The following NRG1 variants were observed in gnomAD, a reference collection of about 807,000 sequenced individuals.
NRG1 encodes the protein pro-neuregulin-1, membrane-bound isoform.
A neutral mutation model predicts 63.8 loss-of-function variants in NRG1; 18 were observed. The ratio of observed to expected loss-of-function variants is 0.28; its 90% CI spans 0.19 to 0.42. The LOEUF is 0.42. Ranked by LOEUF, NRG1 falls within the 10% of genes least tolerant of loss-of-function variation. NRG1 has a pLI of 1.00. For missense variants in NRG1, 762 were observed against 814.7 expected, an observed-to-expected ratio of 0.94 and a Z score of 0.79; for synonymous variants, 302 against 301.3, an observed-to-expected ratio of 1.00 and a Z score of -0.02.
chr8:31,888,397 G>A lies in NRG1; in HGVS notation c.37+248966G>A, dbSNP rs1830888946. On this transcript the variant is annotated intron_variant, in intron 1 of 10. Transcript: ENST00000519301. Reference sequence around the variant, plus strand: ...TTAAACCTCTACTTTCTGAATTTTAGGACAGTGAGGAAATTTAACATTTTC... The same window carrying A: ...TTAAACCTCTACTTTCTGAATTTTAAGACAGTGAGGAAATTTAACATTTTC... Among the ~76,000 whole-genome samples the A allele has an allele frequency of 2.0e-5, 3 of 152,128 alleles. No individual in the cohort carries two copies. In the South Asian group the frequency reaches 6.2e-4, roughly 32 times the overall value.
chr8:32,367,424 A>G lies in NRG1; in HGVS notation c.38-228404A>G, dbSNP rs186939549. On this transcript the variant is annotated intron_variant, in intron 1 of 10. Coordinates refer to the NRG1 transcript ENST00000519301. ...TGTTGAACTTTTTTTTTTTTCAGAT[A>G]CCTGCTAGCCAATTGTATGTATTCT... is the stretch of plus-strand genomic sequence containing the variant. 5.5e-4 allele frequency among the ~76,000 whole-genome samples: 82 copies of G among 150,312 alleles called. No homozygotes were observed. In the East Asian group the frequency reaches 0.015, roughly 27 times the overall value.
At chr8:32,615,383 GC>G (rs1563773044) in intron 4 of NRG1, among the ~76,000 whole-genome samples, 1 of 152,028 alleles carries the variant, frequency 6.6e-6, no homozygotes, top group Non-Finnish European at 1.5e-5. Context: ...TTTGCATGGT[GC>G]CTTTTCTTTT....
intron 1 of NRG1, among the ~76,000 whole-genome samples, chr8:32,012,559 T>A (rs1194559020): frequency 6.6e-6 from 1 of 152,010 alleles, no homozygotes; most frequent in African/African-American, 2.4e-5. Context: ...TACTTAGAGG[T>A]TTTTTTCTAG....
intron 1 of NRG1, among the ~76,000 whole-genome samples, chr8:32,254,076 T>A (rs1849415519): frequency 2.0e-5 from 3 of 152,188 alleles, no homozygotes. Flanking sequence ...TTGATTCTTC[T>A]CTCTTTTCTT....
intron 1 of NRG1, among the ~76,000 whole-genome samples, chr8:32,204,264 A>G (rs568667891): frequency 1.3e-5 from 2 of 152,344 alleles, no homozygotes; most frequent in African/African-American, 4.8e-5. Context: ...TAAGACAGCA[A>G]ACCATTGAAA....
Position 32,022,946 on chromosome 8 carries a change from A to C in NRG1, c.37+383515A>C, listed in dbSNP as rs149577957. On this transcript the variant is annotated intron_variant, in intron 1 of 10. Coordinates refer to the NRG1 transcript ENST00000519301. ...TGTGCACGGGAGCACAGATTTCAAAATTTGTTTCAGCACAACCTTTTGGAT... is the reference window on the plus strand; with the variant it reads ...TGTGCACGGGAGCACAGATTTCAAACTTTGTTTCAGCACAACCTTTTGGAT... 8.8e-3 allele frequency among the ~76,000 whole-genome samples: 1,334 copies of C among 152,344 alleles called. 14 individuals carry two copies. Among genetic ancestry groups the C allele is most frequent in the Non-Finnish European group, 0.014 (955 of 68,026 alleles).
chr8:32,431,774 A>C (rs1253278566), intron 1 of NRG1, among the ~76,000 whole-genome samples: 1 of 151,874 alleles, frequency 6.6e-6, no homozygotes, highest in Non-Finnish European at 1.5e-5. Flanking sequence ...TACATTTTGT[A>C]ATTTTTTAAT....
chr8:31,751,736 G>T (rs1304236390), intron 1 of NRG1, among the ~76,000 whole-genome samples: 1 of 151,918 alleles, frequency 6.6e-6, no homozygotes, highest in Non-Finnish European at 1.5e-5. Flanking sequence ...GATGGAGAGA[G>T]ATAGAGAGTT....
chr8:32,548,472 G>T, exon 1 of NRG1: 3 of 1,184,924 alleles, frequency 2.5e-6, no homozygotes, highest in Non-Finnish European at 3.1e-6. Flanking sequence ...GGGACCCATC[G>T]ACGACTTCCC....
At chr8:32,217,869 T>G (rs1188588413) in intron 1 of NRG1, among the ~76,000 whole-genome samples, 1 of 152,152 alleles carries the variant, frequency 6.6e-6, no homozygotes, top group Non-Finnish European at 1.5e-5. Context: ...TATGCCAGGC[T>G]CTGAACTAAG....
At chr8:31,726,942 G>A (rs530049525) in intron 1 of NRG1, among the ~76,000 whole-genome samples, 1 of 152,292 alleles carries the variant, frequency 6.6e-6, no homozygotes, top group African/African-American at 2.4e-5. Flanking sequence ...ATCATTGGAC[G>A]AATTTCAGTC....
intron 1 of NRG1, among the ~76,000 whole-genome samples, chr8:31,887,636 T>C (rs1380856542): frequency 6.6e-6 from 1 of 152,058 alleles, no homozygotes; most frequent in African/African-American, 2.4e-5. Context: ...ACCTTCAAAA[T>C]GATTCATGTC....
intron 1 of NRG1, among the ~76,000 whole-genome samples, chr8:32,551,208 G>T (rs1053947841): frequency 6.6e-6 from 1 of 152,200 alleles, no homozygotes; most frequent in Non-Finnish European, 1.5e-5. Context: ...ATTCCCAAAG[G>T]AACGACCTAT....
At chr8:32,280,223 G>T (rs1354394137) in intron 1 of NRG1, among the ~76,000 whole-genome samples, 1 of 152,204 alleles carries the variant, frequency 6.6e-6, no homozygotes, top group East Asian at 1.9e-4. Context: ...CCACCAAGTG[G>T]TTATCTAAAT....
chr8:32,178,205 TG>T (rs1841015152), intron 1 of NRG1, among the ~76,000 whole-genome samples: 1 of 152,008 alleles, frequency 6.6e-6, no homozygotes, highest in Non-Finnish European at 1.5e-5. Context: ...TAATGAGAAA[TG>T]AAACTAGAGG....
intron 1 of NRG1, among the ~76,000 whole-genome samples, chr8:31,943,578 G>T (rs572205410): frequency 1.3e-5 from 2 of 149,142 alleles, no homozygotes; most frequent in South Asian, 4.2e-4. Flanking sequence ...TGAACCAAAG[G>T]TATTGCACGA....
intron 1 of NRG1, among the ~76,000 whole-genome samples, chr8:32,508,848 G>C (rs1828846642): frequency 1.3e-5 from 2 of 151,676 alleles, no homozygotes; most frequent in Non-Finnish European, 1.5e-5. Context: ...CAATTCTCAG[G>C]CCTCAGCTTC....
chr8:32,084,739 G>A (rs559652826), intron 1 of NRG1, among the ~76,000 whole-genome samples: 6 of 152,068 alleles, frequency 3.9e-5, no homozygotes, highest in Non-Finnish European at 5.9e-5. Flanking sequence ...CAGTCTTCAC[G>A]GGACCAAGCT....
At chr8:32,758,632 G>T (rs917287987) in intron 9 of NRG1, among the ~76,000 whole-genome samples, 6 of 138,606 alleles carry the variant, frequency 4.3e-5, no homozygotes. Context: ...AGAAAGAAGA[G>T]AGAAAAGTAG....
Sources: gnomAD v4.1 joint callset for allele counts (sites outside exome capture counted in the v4.1 genomes callset) on GRCh38, gnomAD v4.1.1 for gene constraint, MANE v1.5 for transcripts, NCBI Gene and HGNC (gene_info 2026-07-23, HGNC 2026-07-21) for gene names.